PARM1: variants seen among roughly 807,000 people sequenced by gnomAD.
The protein encoded by PARM1 is WSC4, cell wall integrity and stress response component 4 homolog.
In PARM1, 14 loss-of-function variants were observed where a neutral mutation model predicts 24.6. The ratio of observed to expected loss-of-function variants is 0.57; its 90% CI spans 0.38 to 0.89. PARM1 has a LOEUF of 0.89. PARM1 is among the 40% of genes least tolerant of loss of function. The probability of loss-of-function intolerance (pLI) is 0.00; values close to 1 mark genes in which losing one functional copy is unlikely to be tolerated. For missense variants in PARM1, 362 were observed against 380.4 expected (o/e 0.95, Z 0.40); for synonymous variants, 179 against 156.6 (o/e 1.14, Z -1.07).
intron 2 of PARM1, among the ~76,000 whole-genome samples, chr4:75,024,378 G>T (rs1306382609): frequency 6.6e-6 from 1 of 152,132 alleles, no homozygotes; most frequent in Non-Finnish European, 1.5e-5. Context: ...TAATTATATT[G>T]ATGTCACTGC....
chr4:75,024,237 G>A (rs1476573925), intron 2 of PARM1, among the ~76,000 whole-genome samples: 2 of 150,694 alleles, frequency 1.3e-5, no homozygotes, highest in Admixed American at 6.6e-5. Context: ...CAGCCTGGGC[G>A]GCAGAGCGAG....
chr4:75,044,060 ATT>A (rs1560396546), intron 3 of PARM1, among the ~76,000 whole-genome samples: 1 of 151,314 alleles, frequency 6.6e-6, no homozygotes, highest in African/African-American at 2.5e-5. Flanking sequence ...AAAAAAAAAA[ATT>A]GTCTTTTTGC....
At chr4:74,966,658 A>C (rs1047565684) in intron 1 of PARM1, 2 of 152,312 alleles carry the variant, frequency 1.3e-5, no homozygotes, top group African/African-American at 4.8e-5. Context: ...GCTGAAATTC[A>C]GTCAAGGAGA....
rs180913321 is a variant in PARM1 at position 74,933,215 on chromosome 4, G to A, written c.-113G>A. ...CCACTGGAGCTGTTCGCGCCTCCCG[G>A]CTCCCACCGCAGCCCACCCGGCAGA... is the stretch of plus-strand genomic sequence containing the variant. On this transcript the variant is annotated 5_prime_UTR_variant, in exon 1 of 4. Coordinates refer to ENST00000307428, the MANE Select transcript of PARM1 (RefSeq NM_015393.4). 7.7e-4 allele frequency: 670 copies of A among 872,298 alleles called. 1 individual carries two copies. The highest frequency in any genetic ancestry group is 7.6e-3 in the African/African-American group (455 of 59,618). The allele number at this position is 872,298 out of a possible 1,614,324, so 54.0% of individuals were successfully genotyped here.
intron 1 of PARM1, among the ~76,000 whole-genome samples, chr4:74,965,632 G>T (rs1721886661): frequency 6.6e-6 from 1 of 152,150 alleles, no homozygotes; most frequent in Non-Finnish European, 1.5e-5. Context: ...AGCAAAAGTT[G>T]CCACATCAAA....
chr4:74,999,977 G>T (rs1216752241), intron 1 of PARM1, among the ~76,000 whole-genome samples: 4 of 151,832 alleles, frequency 2.6e-5, no homozygotes, highest in Admixed American at 6.6e-5. Flanking sequence ...TTTCCTGGAT[G>T]CATCTGTGGG....
At chr4:74,959,050 T>C (rs1721706288) in intron 1 of PARM1, among the ~76,000 whole-genome samples, 1 of 152,222 alleles carries the variant, frequency 6.6e-6, no homozygotes, top group Non-Finnish European at 1.5e-5. Context: ...GTCCAACTTA[T>C]TAGTCATTAT....
chr4:74,942,499 A>AG (rs1385881343), intron 1 of PARM1, among the ~76,000 whole-genome samples: 1 of 152,242 alleles, frequency 6.6e-6, no homozygotes, highest in African/African-American at 2.4e-5. Flanking sequence ...TTCTTCCCCT[A>AG]GGGGGCTTAT....
chr4:75,009,995 C>T (rs1157181871), intron 1 of PARM1, among the ~76,000 whole-genome samples: 4 of 152,204 alleles, frequency 2.6e-5, no homozygotes, highest in African/African-American at 9.7e-5. Context: ...ATTAATTCCA[C>T]TTCTGGGAAT....
intron 2 of PARM1, among the ~76,000 whole-genome samples, chr4:75,028,601 T>A (rs1441092246): frequency 6.6e-6 from 1 of 152,206 alleles, no homozygotes; most frequent in East Asian, 1.9e-4. Context: ...AGGAACTTGG[T>A]CAAGTATTTA....
chr4:75,003,386 T>C (rs1259649222), intron 1 of PARM1, among the ~76,000 whole-genome samples: 3 of 152,108 alleles, frequency 2.0e-5, no homozygotes, highest in Non-Finnish European at 4.4e-5. Context: ...TCACAAATGT[T>C]ATTCTTTCAT....
intron 2 of PARM1, among the ~76,000 whole-genome samples, chr4:75,030,190 T>C (rs571461611): frequency 6.6e-6 from 1 of 152,210 alleles, no homozygotes; most frequent in African/African-American, 2.4e-5. Context: ...TGAAGAAGAA[T>C]AGGAGCTGGC....
chr4:74,948,789 G>A (rs933935213), intron 1 of PARM1, among the ~76,000 whole-genome samples: 8 of 152,196 alleles, frequency 5.3e-5, no homozygotes, highest in East Asian at 1.9e-4. Flanking sequence ...TTGGGAGGCC[G>A]AGGCGGGTGG....
At chr4:75,027,444 A>G (rs976705960) in intron 2 of PARM1, among the ~76,000 whole-genome samples, 3 of 152,148 alleles carry the variant, frequency 2.0e-5, no homozygotes, top group African/African-American at 4.8e-5. Context: ...AGACAAGGCC[A>G]GAAGACAAAG....
intron 1 of PARM1, among the ~76,000 whole-genome samples, chr4:74,946,748 A>G (rs1028673652): frequency 1.3e-5 from 2 of 152,236 alleles, no homozygotes; most frequent in Non-Finnish European, 2.9e-5. Context: ...TATAATTGTA[A>G]TAGTTTGAAA....
chr4:74,991,051 A>G (rs78489682), intron 1 of PARM1, among the ~76,000 whole-genome samples: 11 of 152,290 alleles, frequency 7.2e-5, no homozygotes, highest in African/African-American at 2.4e-4. Flanking sequence ...TATATTTTCA[A>G]CATGTGCATA....
intron 1 of PARM1, among the ~76,000 whole-genome samples, chr4:75,001,107 T>C (rs1722672421): frequency 6.6e-6 from 1 of 152,190 alleles, no homozygotes; most frequent in Admixed American, 6.5e-5. Context: ...AAAGATTAGG[T>C]GACTTATTAC....
At chr4:75,032,098 G>T (rs529434358) in intron 2 of PARM1, among the ~76,000 whole-genome samples, 2 of 152,256 alleles carry the variant, frequency 1.3e-5, no homozygotes, top group Non-Finnish European at 2.9e-5. Context: ...TAGTAAAAAG[G>T]GAAAGAGAAT....
In PARM1 at chr4:75,045,806, A is replaced by G. The variant is rs568190982; in HGVS notation, c.849-357A>G. Among the ~76,000 whole-genome samples, 7 of 152,338 alleles carry G rather than the reference A, an allele frequency of 4.6e-5. No individual in the cohort carries two copies. The South Asian group carries it at 1.5e-3, about 32-fold the overall frequency. On this transcript the variant is annotated intron_variant, in intron 3 of 3. Coordinates refer to ENST00000307428, the MANE Select transcript of PARM1 (RefSeq NM_015393.4). ...TTATTTCAGGGAAAATTAAGCCCAG[A>G]ACCTAAGTCAGAATGTTAGGAATGC...
Sources: allele counts gnomAD v4.1 joint callset (sites outside exome capture counted in the v4.1 genomes callset), GRCh38; gene constraint gnomAD v4.1.1; transcripts MANE v1.5; gene names NCBI Gene and HGNC (gene_info 2026-07-23, HGNC 2026-07-21).